Variants in CCDC181 observed in about 807,000 individuals in gnomAD.
The protein encoded by CCDC181 is coiled-coil domain containing 181, also known as coiled-coil domain-containing protein 181.
In CCDC181, 35 loss-of-function variants were observed where a neutral mutation model predicts 58.7. The observed-to-expected ratio is 0.60, with a 90% CI of 0.46 to 0.79. CCDC181 has a LOEUF of 0.79. Ranked by LOEUF, CCDC181 falls within the 30% of genes least tolerant of loss-of-function variation. The probability of loss-of-function intolerance (pLI) is 0.00; values close to 1 mark genes in which losing one functional copy is unlikely to be tolerated. For missense variants in CCDC181, 517 were observed against 583.9 expected, an observed-to-expected ratio of 0.89 and a Z score of 1.18; for synonymous variants, 183 against 197.5, an observed-to-expected ratio of 0.93 and a Z score of 0.62.
In CCDC181 at chr1:169,422,306, C is replaced by A. The variant is rs1165520496; in HGVS notation, c.125G>T (p.Cys42Phe). The change falls in exon 3 of 6, where the codon TGT becomes TTT. Residue 42 changes from cysteine (C) to phenylalanine (F), a missense_variant. Physicochemically the swap from Cys to Phe is radical, Grantham distance 205. Transcript: ENST00000367806. The part of the protein sequence containing the change: ...KSDASIIEMA[C>F]EKEENINQDL... ...TTGGTTAATATTCTCTTCCTTCTCACAAGCCATCTAAAAACAAGATATTTT... is the reference window on the plus strand; with the variant it reads ...TTGGTTAATATTCTCTTCCTTCTCAAAAGCCATCTAAAAACAAGATATTTT... 2.0e-6 allele frequency: 3 copies of A among 1,533,992 alleles called. No homozygotes were observed. Among genetic ancestry groups the A allele is most frequent in the Non-Finnish European group, 2.6e-6 (3 of 1,132,668 alleles).
intron 4 of CCDC181, chr1:169,418,732 G>A: frequency 2.3e-6 from 1 of 436,008 alleles, no homozygotes; most frequent in Non-Finnish European, 4.0e-6. Flanking sequence ...GTGTATCTTT[G>A]CCCTGTTTGA....
chr1:169,457,613 C>T (rs1657711865), intron 2 of CCDC181, among the ~76,000 whole-genome samples: 2 of 152,116 alleles, frequency 1.3e-5, no homozygotes, highest in South Asian at 4.1e-4. Context: ...AAGAACCTAT[C>T]CATGACATAG....
chr1:169,420,467 T>C (rs1489672160), intron 3 of CCDC181, among the ~76,000 whole-genome samples: 1 of 151,384 alleles, frequency 6.6e-6, no homozygotes, highest in Non-Finnish European at 1.5e-5. Context: ...TAATTTCCCA[T>C]ATAAAGTAGA....
intron 4 of CCDC181, among the ~76,000 whole-genome samples, chr1:169,416,412 C>A (rs537620395): frequency 6.6e-6 from 1 of 152,158 alleles, no homozygotes; most frequent in Admixed American, 6.5e-5. Context: ...AGCCCCCCTG[C>A]TTCTAGTCAG....
At chr1:169,403,698 A>G (rs1461424821) in intron 4 of CCDC181, among the ~76,000 whole-genome samples, 3 of 152,264 alleles carry the variant, frequency 2.0e-5, no homozygotes, top group Non-Finnish European at 2.9e-5. Context: ...AATGCCCACA[A>G]GAGAAAGCAG....
chr1:169,423,072 T>C (rs1378361200), intron 2 of CCDC181, among the ~76,000 whole-genome samples: 1 of 147,486 alleles, frequency 6.8e-6, no homozygotes, highest in African/African-American at 2.5e-5. Flanking sequence ...TTTATATATA[T>C]ATATATTTTT....
intron 2 of CCDC181, among the ~76,000 whole-genome samples, chr1:169,458,175 G>GT (rs369111049): frequency 0.58 from 73,411 of 126,434 alleles, 20,281 homozygotes; most frequent in Non-Finnish European, 0.64. Context: ...AGTAATTTTT[G>GT]TTTTTTTTTT....
At chr1:169,429,486 T>A (rs965601204), upstream of CCDC181, among the ~76,000 whole-genome samples, 1 of 152,212 alleles carries the variant, frequency 6.6e-6, no homozygotes, top group Non-Finnish European at 1.5e-5. Flanking sequence ...ATTTTTTGCT[T>A]ATGACCATTC....
chr1:169,429,900 T>A (rs1423467630), upstream of CCDC181, among the ~76,000 whole-genome samples: 1 of 152,216 alleles, frequency 6.6e-6, no homozygotes, highest in Non-Finnish European at 1.5e-5. Flanking sequence ...CTAGAAGGGT[T>A]TTTCCAATGC....
chr1:169,437,905 G>A (rs534068656), intron 2 of CCDC181, among the ~76,000 whole-genome samples: 14 of 152,278 alleles, frequency 9.2e-5, no homozygotes, highest in South Asian at 8.3e-4. Flanking sequence ...TAACTATGAC[G>A]TGAACCCCAA....
intron 2 of CCDC181, among the ~76,000 whole-genome samples, chr1:169,448,937 C>T (rs1227475841): frequency 6.6e-6 from 1 of 151,966 alleles, no homozygotes; most frequent in East Asian, 1.9e-4. Flanking sequence ...TCTGTTATGC[C>T]ATGTGTACTG....
In CCDC181 at chr1:169,421,594, G is replaced by A; in HGVS notation, c.837C>T (p.Val279=). The A allele has an allele frequency of 6.2e-7, 1 of 1,614,162 alleles. No homozygotes were observed. Among genetic ancestry groups the A allele is most frequent in the Non-Finnish European group, 8.5e-7 (1 of 1,180,018 alleles). ...KEDSTAKIHA[V]THSSTGEPLA... ...GCGGCTCTCCTGTTGATGAGTGAGT[G>A]ACAGCATGAATCTTTGCTGTAGAAT... is the stretch of plus-strand genomic sequence containing the variant. Residue 279 remains valine, a synonymous_variant, in exon 3 of 6, where the codon GTC becomes GTT. Coordinates refer to ENST00000367806, the MANE Select transcript of CCDC181 (RefSeq NM_001300969.2).
At chr1:169,415,263 T>C (rs1420081656) in intron 4 of CCDC181, among the ~76,000 whole-genome samples, 2 of 152,256 alleles carry the variant, frequency 1.3e-5, no homozygotes, top group Admixed American at 6.5e-5. Flanking sequence ...TGGCCATAGC[T>C]GTGTTTTCCG....
At chr1:169,413,948 C>T (rs534519972) in intron 4 of CCDC181, among the ~76,000 whole-genome samples, 1 of 152,170 alleles carries the variant, frequency 6.6e-6, no homozygotes, top group South Asian at 2.1e-4. Context: ...CAGCAAATCA[C>T]CATGGCACGT....
At chr1:169,396,914 C>T (rs1008415142) in intron 5 of CCDC181, among the ~76,000 whole-genome samples, 11 of 152,098 alleles carry the variant, frequency 7.2e-5, no homozygotes, top group Non-Finnish European at 1.0e-4. Context: ...CAATCTTCAA[C>T]CCATTTCTCA....
intron 2 of CCDC181, among the ~76,000 whole-genome samples, chr1:169,451,725 G>A (rs775893413): frequency 4.1e-5 from 6 of 147,916 alleles, no homozygotes; most frequent in East Asian, 2.0e-4. Flanking sequence ...CCAAGCTGGC[G>A]CAATTTAAAG....
chr1:169,413,221 A>G (rs933108278), intron 4 of CCDC181, among the ~76,000 whole-genome samples: 1 of 152,254 alleles, frequency 6.6e-6, no homozygotes, highest in African/African-American at 2.4e-5. Flanking sequence ...ATATGAACAG[A>G]CAATTCTCTA....
intron 4 of CCDC181, among the ~76,000 whole-genome samples, chr1:169,398,164 G>A (rs1018825485): frequency 3.9e-5 from 6 of 152,112 alleles, no homozygotes; most frequent in African/African-American, 9.7e-5. Flanking sequence ...ATGTTCAATC[G>A]GGAGTTATAG....
At chr1:169,442,928 T>C (rs1657273527) in intron 2 of CCDC181, 1 of 151,984 alleles carries the variant, frequency 6.6e-6, no homozygotes, top group South Asian at 2.1e-4. Context: ...CAGTTGAGAC[T>C]TTCATTATAG....
Sources: gnomAD v4.1 joint callset for allele counts (sites outside exome capture counted in the v4.1 genomes callset) on GRCh38, gnomAD v4.1.1 for gene constraint, MANE v1.5 for transcripts, NCBI Gene and HGNC (gene_info 2026-07-23, HGNC 2026-07-21) for gene names.